The following AKAP6 variants were observed in gnomAD, a reference collection of about 807,000 sequenced individuals.
The protein encoded by AKAP6 is A-kinase anchoring protein 6, also known as A-kinase anchor protein 6.
AKAP6 carries 58 observed loss-of-function variants against 188.5 expected under a neutral mutation model. That is an observed-to-expected ratio of 0.31 (90% confidence interval 0.25 to 0.38). AKAP6 has a LOEUF of 0.38. AKAP6 is among the 10% of genes least tolerant of loss of function. The pLI, the probability that AKAP6 is intolerant of heterozygous loss-of-function variation, is 1.00. For synonymous variants in AKAP6, 989 were observed against 998.6 expected (o/e 0.99, Z 0.18); for missense variants, 2,710 against 2,740.0 (o/e 0.99, Z 0.24).
intron 2 of AKAP6, among the ~76,000 whole-genome samples, chr14:32,534,918 T>C (rs1473095081): frequency 6.6e-6 from 1 of 150,462 alleles, no homozygotes; most frequent in African/African-American, 2.5e-5. Context: ...TGAGCTGAGA[T>C]TGCGCCATTG....
At chr14:32,366,831 C>T (rs924904150) in intron 1 of AKAP6, among the ~76,000 whole-genome samples, 10 of 152,120 alleles carry the variant, frequency 6.6e-5, no homozygotes, top group African/African-American at 2.4e-4. Context: ...TTGAGGTGTT[C>T]AAATCTCAGA....
intron 9 of AKAP6, among the ~76,000 whole-genome samples, chr14:32,704,315 A>T (rs1257325361): frequency 6.6e-6 from 1 of 152,246 alleles, no homozygotes; most frequent in Non-Finnish European, 1.5e-5. Context: ...TTACTTAATT[A>T]GATGGGAATG....
chr14:32,700,925 A>G (rs1890595600), intron 9 of AKAP6, among the ~76,000 whole-genome samples: 1 of 152,220 alleles, frequency 6.6e-6, no homozygotes, highest in East Asian at 1.9e-4. Flanking sequence ...TAAAGGGTTA[A>G]AAATAACTCT....
chr14:32,412,465 A>G (rs963926522), intron 1 of AKAP6, among the ~76,000 whole-genome samples: 6 of 152,226 alleles, frequency 3.9e-5, no homozygotes, highest in African/African-American at 1.4e-4. Context: ...TAATTTTGGT[A>G]CATAATATTG....
chr14:32,410,941 T>C (rs553984407), intron 1 of AKAP6, among the ~76,000 whole-genome samples: 2 of 152,326 alleles, frequency 1.3e-5, no homozygotes, highest in East Asian at 3.9e-4. Context: ...TAAGTGCATC[T>C]GTGCTCAACC....
At position 32,445,760 on chromosome 14, in the gene AKAP6, G is replaced by GT. The variant is rs146636049; in HGVS notation, c.324+11952dup. 6.0e-3 allele frequency among the ~76,000 whole-genome samples: 910 copies of GT among 150,944 alleles called. 6 individuals are homozygous for GT. Among genetic ancestry groups the GT allele is most frequent in the African/African-American group, 0.02 (842 of 41,110 alleles). ...AATTTGAGATATTACTACTCCAGCTGTTTTTTTTTCTATTCCATAAGTACC... is the reference window on the plus strand; with the variant it reads ...AATTTGAGATATTACTACTCCAGCTGTTTTTTTTTTCTATTCCATAAGTACC... On this transcript the variant is annotated intron_variant, in intron 2 of 13. Coordinates refer to ENST00000280979, the MANE Select transcript of AKAP6 (RefSeq NM_004274.5).
At chr14:32,661,608 C>T (rs959328983) in intron 7 of AKAP6, among the ~76,000 whole-genome samples, 8 of 152,074 alleles carry the variant, frequency 5.3e-5, no homozygotes, top group Admixed American at 2.0e-4. Flanking sequence ...TGCCATACCC[C>T]GGCTCTTTTA....
At chr14:32,412,887 A>G (rs562776700) in intron 1 of AKAP6, among the ~76,000 whole-genome samples, 187 of 152,272 alleles carry the variant, frequency 1.2e-3, no homozygotes, top group South Asian at 6.4e-3. Context: ...AAAAGATGGT[A>G]TGGTGGGCTG....
intron 11 of AKAP6, among the ~76,000 whole-genome samples, chr14:32,768,374 G>C (rs1403908594): frequency 6.6e-6 from 1 of 152,048 alleles, no homozygotes; most frequent in Non-Finnish European, 1.5e-5. Flanking sequence ...ATATGTATTA[G>C]AGTCATTAAT....
At chr14:32,425,660 G>A (rs931425916) in intron 1 of AKAP6, among the ~76,000 whole-genome samples, 2 of 150,624 alleles carry the variant, frequency 1.3e-5, no homozygotes, top group Non-Finnish European at 3.0e-5. Context: ...AGGAAGGAAG[G>A]AAGCTGTTCA....
At chr14:32,695,900 T>A (rs1241435396) in intron 8 of AKAP6, 90 bp from the exon 9 acceptor site, 2 of 1,419,106 alleles carry the variant, frequency 1.4e-6, no homozygotes, top group East Asian at 2.6e-5. Flanking sequence ...ACTAGAAACA[T>A]CATGGGTTTT....
chr14:32,358,528 G>C (rs1253557013), intron 1 of AKAP6, among the ~76,000 whole-genome samples: 1 of 152,238 alleles, frequency 6.6e-6, no homozygotes, highest in South Asian at 2.1e-4. Context: ...TGTTGGGTGG[G>C]GGGGTTAGGT....
intron 7 of AKAP6, among the ~76,000 whole-genome samples, chr14:32,670,391 G>A (rs1889130526): frequency 6.6e-6 from 1 of 152,082 alleles, no homozygotes; most frequent in South Asian, 2.1e-4. Context: ...GAGACCTGAA[G>A]GTCTTTCCAG....
intron 1 of AKAP6, among the ~76,000 whole-genome samples, chr14:32,343,372 C>A (rs10150657): frequency 0.23 from 34,573 of 151,730 alleles, 4,512 homozygotes; most frequent in East Asian, 0.36. Context: ...GGTCAGCCTG[C>A]CTTGCCCTGG....
chr14:32,529,214 AT>A (rs1210358140), intron 2 of AKAP6, among the ~76,000 whole-genome samples: 3 of 152,100 alleles, frequency 2.0e-5, no homozygotes, highest in East Asian at 1.9e-4. Context: ...CTAAGATTTC[AT>A]TTGGGGGGAT....
chr14:32,759,882 C>T (rs961516037), intron 11 of AKAP6, among the ~76,000 whole-genome samples: 1 of 152,196 alleles, frequency 6.6e-6, no homozygotes, highest in African/African-American at 2.4e-5. Context: ...GGGGATTACA[C>T]TTCAACATGA....
At chr14:32,702,286 T>C (rs1280150459) in intron 9 of AKAP6, among the ~76,000 whole-genome samples, 2 of 152,248 alleles carry the variant, frequency 1.3e-5, no homozygotes, top group Non-Finnish European at 2.9e-5. Context: ...ACTGCTTATC[T>C]AGAAATGAAT....
At chr14:32,634,043 G>A (rs1252193776) in intron 7 of AKAP6, among the ~76,000 whole-genome samples, 1 of 151,898 alleles carries the variant, frequency 6.6e-6, no homozygotes, top group African/African-American at 2.4e-5. Flanking sequence ...ATCACTAGTT[G>A]AGCCAGTTTC....
At chr14:32,390,973 A>G (rs1432383630) in intron 1 of AKAP6, among the ~76,000 whole-genome samples, 1 of 152,074 alleles carries the variant, frequency 6.6e-6, no homozygotes, top group African/African-American at 2.4e-5. Context: ...TGCATTTGCT[A>G]CTAATGTAGC....
Sources: allele counts gnomAD v4.1 joint callset (sites outside exome capture counted in the v4.1 genomes callset), GRCh38; gene constraint gnomAD v4.1.1; transcripts MANE v1.5; gene names NCBI Gene and HGNC (gene_info 2026-07-23, HGNC 2026-07-21).